CNGB1: variants seen among roughly 807,000 people sequenced by gnomAD.
The protein encoded by CNGB1 is cyclic nucleotide-gated channel beta-1.
In CNGB1, 126 loss-of-function variants were observed where a neutral mutation model predicts 151.7. The ratio of observed to expected loss-of-function variants is 0.83; its 90% CI spans 0.72 to 0.96. The LOEUF is 0.96. Among genes scored for constraint, CNGB1 ranks in the 40% least tolerant of loss-of-function variants. The pLI is 0.00. For synonymous variants in CNGB1, 623 were observed against 635.1 expected (o/e 0.98, Z 0.29); for missense variants, 1,698 against 1,627.0 (o/e 1.04, Z -0.75).
intron 11 of CNGB1, 137 bp downstream of exon 11, chr16:57,958,273 T>G (rs1456560446): frequency 1.0e-5 from 5 of 502,186 alleles, no homozygotes; most frequent in African/African-American, 6.2e-5. Flanking sequence ...GTGGGTGGAA[T>G]GAACGTGGGC....
rs375378241 is a variant in CNGB1, at chr16:57,923,407, C to T, written c.1536-27G>A. On this transcript the variant is annotated intron_variant, in intron 17 of 32. Coordinates refer to ENST00000251102, the MANE Select transcript of CNGB1 (RefSeq NM_001297.5). ...TGCAAAGACACAGATGTGGAAGGGGCCTTCAGCAAAGGCAGAGGCCCCAGG... is the reference window on the plus strand; with the variant it reads ...TGCAAAGACACAGATGTGGAAGGGGTCTTCAGCAAAGGCAGAGGCCCCAGG... 30 of 1,587,344 alleles carry T rather than the reference C, an allele frequency of 1.9e-5. No homozygotes were observed. In the African/African-American group the frequency reaches 2.8e-4, roughly 15 times the overall value.
rs749171054 is a variant in CNGB1 at position 57,957,380 on chromosome 16, G to A, written c.838-3C>T. On this transcript the variant is annotated splice_polypyrimidine_tract_variant and splice_region_variant and intron_variant, in intron 11 of 32. Transcript: ENST00000251102. ...CATATCCCAGGGGAGTCAGGCTCCT[G>A]CATGGAGAGAGAAAAAAGGGAAAAT... is the stretch of plus-strand genomic sequence containing the variant. The A allele has an allele frequency of 2.5e-6, 4 of 1,613,902 alleles. No individual in the cohort carries two copies. The South Asian group carries it at 4.4e-5, about 18-fold the overall frequency.
chr16:57,960,160 GGACT>G, intron 9 of CNGB1, 95 bp from the exon 10 acceptor site: 1 of 1,511,574 alleles, frequency 6.6e-7, no homozygotes, highest in Non-Finnish European at 8.8e-7. Flanking sequence ...GTCGCTAACA[GGACT>G]GAATGGGGAG....
chr16:57,932,771 C>T (rs992538346), intron 16 of CNGB1, among the ~76,000 whole-genome samples: 9 of 151,954 alleles, frequency 5.9e-5, no homozygotes, highest in African/African-American at 1.9e-4. Context: ...TAGTAGAGAC[C>T]GGGTTTCACC....
intron 31 of CNGB1, among the ~76,000 whole-genome samples, chr16:57,893,934 G>C (rs1039183697): frequency 1.3e-5 from 2 of 152,176 alleles, no homozygotes; most frequent in Non-Finnish European, 1.5e-5. Flanking sequence ...ACATGGAAGG[G>C]ATCTGAGCCC....
intron 14 of CNGB1, among the ~76,000 whole-genome samples, chr16:57,949,139 G>A (rs943683087): frequency 1.3e-5 from 2 of 151,958 alleles, no homozygotes; most frequent in Non-Finnish European, 2.9e-5. Context: ...TGTGTGGGGG[G>A]GGATGTGGAG....
intron 27 of CNGB1, among the ~76,000 whole-genome samples, chr16:57,902,024 A>G (rs1447131428): frequency 1.3e-5 from 2 of 152,122 alleles, no homozygotes; most frequent in Non-Finnish European, 2.9e-5. Flanking sequence ...GAGCACTTCT[A>G]TGAGCCAGGC....
intron 16 of CNGB1, among the ~76,000 whole-genome samples, chr16:57,934,375 A>G (rs1262960659): frequency 6.6e-6 from 1 of 152,092 alleles, no homozygotes. Flanking sequence ...TAGAACCTGC[A>G]ATGAGTCAAG....
chr16:57,960,773 G>C (rs1485115213), intron 8 of CNGB1, 67 bp downstream of exon 8: 9 of 1,510,308 alleles, frequency 6.0e-6, no homozygotes, highest in Non-Finnish European at 8.2e-6. Context: ...GGAGGAGGCA[G>C]TCCCTCCTGG....
At chr16:57,940,161 T>C (rs970963362) in intron 15 of CNGB1, 73 bp downstream of exon 15, 152 of 1,416,464 alleles carry the variant, frequency 1.1e-4, no homozygotes, top group Middle Eastern at 8.7e-4. Flanking sequence ...GTAAGCAAAG[T>C]GGACAAGGTC....
chr16:57,950,372 A>T lies in CNGB1; in HGVS notation c.1034+9T>A, dbSNP rs747785134. On this transcript the variant is annotated intron_variant, in intron 13 of 32. Transcript: ENST00000251102. ...AACTAATCTTTTAGGGTCTTCTCAG[A>T]CTCCCCACCTGGGCATCTTCTCCAC... The T allele has an allele frequency of 2.5e-6, 4 of 1,613,864 alleles. No individual in the cohort carries two copies. In the South Asian group the frequency reaches 4.4e-5, roughly 18 times the overall value.
chr16:57,918,983 G>A (rs1457948281), intron 20 of CNGB1, 116 bp downstream of exon 20: 1 of 1,553,694 alleles, frequency 6.4e-7, no homozygotes, highest in Non-Finnish European at 8.7e-7. Flanking sequence ...CATGAACCCA[G>A]GTTGTCTGTG....
rs931662996 is a variant in CNGB1 at position 57,883,994 on chromosome 16, G to A, written c.*170C>T. 4.4e-5 allele frequency: 39 copies of A among 884,974 alleles called. No individual in the cohort carries two copies. Among genetic ancestry groups the A allele is most frequent in the Non-Finnish European group, 5.5e-5 (31 of 563,188 alleles). 54.8% of individuals were successfully genotyped at this position (884,974 alleles called of 1,614,324 possible). The stretch of plus-strand genomic sequence containing the variant: ...GCCCAGCCCCGCGAGGAGCTGAGTC[G>A]GGGCTGGCGTGCTGGCGGGACGGTC... On this transcript the variant is annotated 3_prime_UTR_variant, in exon 33 of 33. Transcript: ENST00000251102.
chr16:57,901,999 GA>G (rs1960405499), intron 27 of CNGB1, among the ~76,000 whole-genome samples: 1 of 152,178 alleles, frequency 6.6e-6, no homozygotes, highest in African/African-American at 2.4e-5. Context: ...ACATCAGCAA[GA>G]ACTAAAGTCT....
At position 57,920,432 on chromosome 16, in the gene CNGB1, G is replaced by A. The variant is rs769998903; in HGVS notation, c.1756C>T (p.Leu586Phe). Reference protein sequence around the residue: ...KERTEKVKEKLIDPDVTSDEE... With the variant: ...KERTEKVKEKFIDPDVTSDEE... ...TCAGAGGTGACGTCAGGGTCAATGAGTTTCTCCTTCACTTTCTCTGTCCGC... is the reference window on the plus strand; with the variant it reads ...TCAGAGGTGACGTCAGGGTCAATGAATTTCTCCTTCACTTTCTCTGTCCGC... The change falls in exon 19 of 33, where the codon CTC (leucine) becomes TTC (phenylalanine). Residue 586 changes from leucine (L) to phenylalanine (F), a missense_variant. Leu to Phe is a conservative substitution (Grantham distance 22). Coordinates refer to ENST00000251102, the MANE Select transcript of CNGB1 (RefSeq NM_001297.5). 1.9e-6 allele frequency: 3 copies of A among 1,614,214 alleles called. No homozygotes were observed. In the South Asian group the frequency reaches 3.3e-5, roughly 18 times the overall value.
At chr16:57,929,435 G>A (rs1286236369) in intron 17 of CNGB1, among the ~76,000 whole-genome samples, 1 of 138,074 alleles carries the variant, frequency 7.2e-6, no homozygotes, top group Non-Finnish European at 1.6e-5. Flanking sequence ...ACACAGCAGT[G>A]AGAGAGAGAG....
intron 2 of CNGB1, among the ~76,000 whole-genome samples, chr16:57,964,894 A>T (rs1488652885): frequency 2.6e-5 from 4 of 152,176 alleles, no homozygotes; most frequent in African/African-American, 4.8e-5. Flanking sequence ...GGGCTGGCTG[A>T]GGGGAAGAGG....
At chr16:57,963,734 T>C (rs762723414) in intron 4 of CNGB1, among the ~76,000 whole-genome samples, 6 of 152,218 alleles carry the variant, frequency 3.9e-5, no homozygotes, top group Admixed American at 2.0e-4. Flanking sequence ...TCCGGCCCCC[T>C]GTACAGGGGC....
intron 3 of CNGB1, 136 bp from the exon 4 acceptor site, chr16:57,964,338 G>A: frequency 7.4e-7 from 1 of 1,353,278 alleles, no homozygotes. Context: ...CAGCTCAACT[G>A]AAGTCTCTGG....
Sources: allele counts gnomAD v4.1 joint callset (sites outside exome capture counted in the v4.1 genomes callset), GRCh38; gene constraint gnomAD v4.1.1; transcripts MANE v1.5; gene names NCBI Gene and HGNC (gene_info 2026-07-23, HGNC 2026-07-21).